Variants in EXOC4 observed in about 807,000 individuals in gnomAD.
EXOC4 encodes the protein SEC8-like 1.
In EXOC4, 71 loss-of-function variants were observed where a neutral mutation model predicts 107.2. The ratio of observed to expected loss-of-function variants is 0.66; its 90% CI spans 0.55 to 0.81. The LOEUF (loss-of-function observed/expected upper bound fraction) is 0.81, where lower values mean the gene tolerates loss of function less well. EXOC4 is among the 30% of genes least tolerant of loss of function. EXOC4 has a pLI of 0.00. For missense variants in EXOC4, 1,108 were observed against 1,189.6 expected (o/e 0.93, Z 1.01); for synonymous variants, 456 against 441.2 (o/e 1.03, Z -0.42).
chr7:133,439,327 G>A (rs1798053621), intron 7 of EXOC4, among the ~76,000 whole-genome samples: 1 of 151,632 alleles, frequency 6.6e-6, no homozygotes, highest in African/African-American at 2.4e-5. Flanking sequence ...TGGGATTACA[G>A]GCCCCCGCCA....
At chr7:133,588,787 G>C (rs1024737659) in intron 9 of EXOC4, among the ~76,000 whole-genome samples, 17 of 152,148 alleles carry the variant, frequency 1.1e-4, no homozygotes, top group African/African-American at 3.6e-4. Context: ...TGAAGCACGA[G>C]AATCGCTTGA....
chr7:133,413,085 G>A (rs1313858694), intron 7 of EXOC4, among the ~76,000 whole-genome samples: 1 of 152,100 alleles, frequency 6.6e-6, no homozygotes, highest in South Asian at 2.1e-4. Context: ...TTGTCTGAAC[G>A]ACTGTATTTC....
chr7:133,477,102 C>G (rs1799033071), intron 8 of EXOC4, among the ~76,000 whole-genome samples: 1 of 152,094 alleles, frequency 6.6e-6, no homozygotes, highest in Non-Finnish European at 1.5e-5. Context: ...TGCATTTTAC[C>G]CTATTTAACA....
intron 9 of EXOC4, among the ~76,000 whole-genome samples, chr7:133,514,587 C>T (rs1196526864): frequency 2.6e-5 from 4 of 152,172 alleles, no homozygotes; most frequent in African/African-American, 9.7e-5. Flanking sequence ...CATTAGATAA[C>T]CCCTTCAGTA....
At chr7:133,280,968 A>G (rs1235689154) in intron 2 of EXOC4, among the ~76,000 whole-genome samples, 1 of 152,208 alleles carries the variant, frequency 6.6e-6, no homozygotes, top group Non-Finnish European at 1.5e-5. Context: ...AGCACTCTAG[A>G]GCACATTAAT....
At chr7:133,584,260 C>T (rs1469999393) in intron 9 of EXOC4, among the ~76,000 whole-genome samples, 1 of 152,106 alleles carries the variant, frequency 6.6e-6, no homozygotes, top group Non-Finnish European at 1.5e-5. Flanking sequence ...ATCAGAGATA[C>T]AGTAAGAATA....
intron 2 of EXOC4, among the ~76,000 whole-genome samples, chr7:133,287,286 A>T (rs558624503): frequency 6.2e-4 from 87 of 140,438 alleles, no homozygotes; most frequent in South Asian, 3.6e-3. Flanking sequence ...CCCCCAAATT[A>T]ATAATCAGTC....
chr7:133,558,800 A>G (rs1800753272), intron 9 of EXOC4, among the ~76,000 whole-genome samples: 1 of 152,144 alleles, frequency 6.6e-6, no homozygotes, highest in African/African-American at 2.4e-5. Flanking sequence ...TCATTTGCTC[A>G]GAAGAGAAAT....
chr7:133,628,136 C>G (rs1232611167), intron 9 of EXOC4, among the ~76,000 whole-genome samples: 1 of 149,750 alleles, frequency 6.7e-6, no homozygotes, highest in African/African-American at 2.5e-5. Context: ...TTGAGGAAGC[C>G]CACTAAATAG....
intron 3 of EXOC4, among the ~76,000 whole-genome samples, chr7:133,302,831 A>T (rs1794669819): frequency 6.6e-6 from 1 of 152,072 alleles, no homozygotes; most frequent in South Asian, 2.1e-4. Flanking sequence ...AATTTCTGTT[A>T]ATCTTTCATC....
rs1255266086 is a variant in EXOC4 at position 133,843,669 on chromosome 7, G to T, written c.1734+26125G>T. Among the ~76,000 whole-genome samples, 4 of 151,868 alleles carry T rather than the reference G, an allele frequency of 2.6e-5. No homozygotes were observed. In the South Asian group the frequency reaches 8.3e-4, roughly 32 times the overall value. On this transcript the variant is annotated intron_variant, in intron 11 of 17. Transcript: ENST00000253861. Reference sequence around the variant, plus strand: ...GGATGCCTTTTCTTTTTTTTTGTCTGATTGCTGTGTCCAGGACTTCCAGTA... The same window carrying T: ...GGATGCCTTTTCTTTTTTTTTGTCTTATTGCTGTGTCCAGGACTTCCAGTA...
intron 2 of EXOC4, among the ~76,000 whole-genome samples, chr7:133,278,582 TGATTGGAGGTTTG>T (rs1175791336): frequency 6.6e-6 from 1 of 151,850 alleles, no homozygotes; most frequent in African/African-American, 2.4e-5. Context: ...GTCAGGGGCA[TGATTGGAGGTTTG>T]GAGCAGCAGC....
At chr7:133,370,328 C>T (rs1149557) in intron 6 of EXOC4, among the ~76,000 whole-genome samples, 47,781 of 151,732 alleles carry the variant, frequency 0.31, 9,398 homozygotes, top group East Asian at 0.51. Context: ...TTATTTTATA[C>T]ATTTTAGGGA....
intron 10 of EXOC4, among the ~76,000 whole-genome samples, chr7:133,805,957 GTA>G (rs1297298136): frequency 6.6e-6 from 1 of 152,194 alleles, no homozygotes; most frequent in African/African-American, 2.4e-5. Context: ...ACCTGAATTA[GTA>G]TGTGAGTGTT....
intron 9 of EXOC4, among the ~76,000 whole-genome samples, chr7:133,501,936 T>C (rs1180418624): frequency 6.6e-6 from 1 of 152,178 alleles, no homozygotes; most frequent in African/African-American, 2.4e-5. Flanking sequence ...CTTCAAAGGC[T>C]ATCCAATCAA....
At chr7:133,392,109 A>G (rs1796866435) in intron 7 of EXOC4, among the ~76,000 whole-genome samples, 1 of 152,252 alleles carries the variant, frequency 6.6e-6, no homozygotes, top group African/African-American at 2.4e-5. Context: ...ATATTCCCCT[A>G]GGAAAATTGG....
chr7:133,301,580 A>G (rs1039213741), intron 3 of EXOC4, among the ~76,000 whole-genome samples: 3 of 152,354 alleles, frequency 2.0e-5, no homozygotes, highest in South Asian at 2.1e-4. Flanking sequence ...GGATTCAACA[A>G]TGGCAATACA....
At chr7:133,807,458 G>A (rs543845485) in intron 10 of EXOC4, among the ~76,000 whole-genome samples, 26 of 152,260 alleles carry the variant, frequency 1.7e-4, no homozygotes, top group African/African-American at 4.8e-4. Context: ...TAGAGTCTCT[G>A]AAGGTCAAAC....
chr7:133,675,337 A>G (rs1356702283), intron 10 of EXOC4, among the ~76,000 whole-genome samples: 1 of 152,212 alleles, frequency 6.6e-6, no homozygotes, highest in African/African-American at 2.4e-5. Flanking sequence ...AAGTCCAGAA[A>G]GAGTCAATAT....
Sources: gnomAD v4.1 joint callset for allele counts (sites outside exome capture counted in the v4.1 genomes callset) on GRCh38, gnomAD v4.1.1 for gene constraint, MANE v1.5 for transcripts, NCBI Gene and HGNC (gene_info 2026-07-23, HGNC 2026-07-21) for gene names.